CHRNA7: variants seen among roughly 807,000 people sequenced by gnomAD.
The protein encoded by CHRNA7 is cholinergic receptor nicotinic alpha 7 subunit.
Under a neutral mutation model 48.0 loss-of-function variants are expected in CHRNA7, and 17 were observed. That is an observed-to-expected ratio of 0.35 (90% CI 0.24 to 0.53). The LOEUF is 0.53. Ranked by LOEUF, CHRNA7 falls within the 20% of genes least tolerant of loss-of-function variation. The probability of loss-of-function intolerance (pLI) is 0.92; values close to 1 mark genes in which losing one functional copy is unlikely to be tolerated. For missense variants in CHRNA7, 155 were observed against 577.7 expected (o/e 0.27, Z 7.50); for synonymous variants, 75 against 242.3 (o/e 0.31, Z 6.41).
At position 32,121,366 on chromosome 15, in the gene CHRNA7, C is replaced by T. The variant is rs1047321757; in HGVS notation, c.350+9467C>T. On this transcript the variant is annotated intron_variant, in intron 4 of 9. Coordinates refer to ENST00000306901, the MANE Select transcript of CHRNA7 (RefSeq NM_000746.6). Reference sequence around the variant, plus strand: ...GTTTACCGTGGGTGGTCTCATCTGACGTATTTTTGTGTCCTTCAGTGAAGT... The same window carrying T: ...GTTTACCGTGGGTGGTCTCATCTGATGTATTTTTGTGTCCTTCAGTGAAGT... 9.2e-5 allele frequency among the ~76,000 whole-genome samples: 14 copies of T among 152,210 alleles called. No homozygotes were observed. In the East Asian group the frequency reaches 9.6e-4, roughly 10 times the overall value.
chr15:32,166,946 C>CTT (rs2052197072), intron 9 of CHRNA7, among the ~76,000 whole-genome samples: 1 of 129,770 alleles, frequency 7.7e-6, no homozygotes, highest in Admixed American at 8.2e-5. Context: ...TTTTAGAAAA[C>CTT]ATGCCCATCC....
chr15:32,095,684 G>A (rs1307849326), intron 2 of CHRNA7, among the ~76,000 whole-genome samples: 1 of 152,100 alleles, frequency 6.6e-6, no homozygotes, highest in Non-Finnish European at 1.5e-5. Context: ...GATGAAAGAG[G>A]GAAATAACGT....
intron 4 of CHRNA7, among the ~76,000 whole-genome samples, chr15:32,130,144 C>T (rs2051130917): frequency 6.6e-6 from 1 of 151,990 alleles, no homozygotes; most frequent in African/African-American, 2.4e-5. Context: ...GTATATGCTC[C>T]ATGAGTACTT....
intron 2 of CHRNA7, among the ~76,000 whole-genome samples, chr15:32,048,461 A>G (rs572569517): frequency 1.5e-4 from 23 of 152,066 alleles, no homozygotes; most frequent in African/African-American, 5.3e-4. Flanking sequence ...TTGCGTGGAG[A>G]TGTTTGTAGT....
At chr15:32,040,152 G>A (rs1221318615) in intron 2 of CHRNA7, among the ~76,000 whole-genome samples, 2 of 152,048 alleles carry the variant, frequency 1.3e-5, no homozygotes, top group African/African-American at 4.8e-5. Flanking sequence ...TATATTTAGA[G>A]TGGGTTTTTT....
At chr15:32,056,393 T>G (rs1340414121) in intron 2 of CHRNA7, among the ~76,000 whole-genome samples, 1 of 152,210 alleles carries the variant, frequency 6.6e-6, no homozygotes, top group African/African-American at 2.4e-5. Context: ...TTATGGAAAT[T>G]GGACTGGTGA....
intron 2 of CHRNA7, among the ~76,000 whole-genome samples, chr15:32,094,122 G>A (rs1309414888): frequency 6.6e-6 from 1 of 152,112 alleles, no homozygotes; most frequent in Non-Finnish European, 1.5e-5. Flanking sequence ...TAAACAGTTC[G>A]GCTGTGATTA....
chr15:32,098,727 C>G (rs1028229511), intron 2 of CHRNA7: 1 of 152,262 alleles, frequency 6.6e-6, no homozygotes, highest in Non-Finnish European at 1.5e-5. Flanking sequence ...CCTTGTCACT[C>G]TGGGTGAAGT....
At chr15:32,087,392 G>A (rs928860592) in intron 2 of CHRNA7, among the ~76,000 whole-genome samples, 36 of 152,010 alleles carry the variant, frequency 2.4e-4, no homozygotes, top group African/African-American at 8.7e-4. Flanking sequence ...TATATTTCCT[G>A]CCCAACACCT....
chr15:32,085,438 A>T (rs963595789), intron 2 of CHRNA7, among the ~76,000 whole-genome samples: 3 of 152,216 alleles, frequency 2.0e-5, no homozygotes, highest in Non-Finnish European at 4.4e-5. Flanking sequence ...ATTCATTCTA[A>T]GATGCACATT....
intron 2 of CHRNA7, among the ~76,000 whole-genome samples, chr15:32,048,095 G>A (rs1411905025): frequency 6.6e-6 from 1 of 152,098 alleles, no homozygotes; most frequent in Non-Finnish European, 1.5e-5. Context: ...GAGGATTTTT[G>A]CATCAATGTT....
rs76085878 is a variant in CHRNA7 at position 32,138,275 on chromosome 15, G to A, written c.351-15632G>A. On this transcript the variant is annotated intron_variant, in intron 4 of 9. Coordinates refer to ENST00000306901, the MANE Select transcript of CHRNA7 (RefSeq NM_000746.6). Reference sequence around the variant, plus strand: ...GAAAAATACTTAAAAATAGAATATTGTGACACAATTTTATGCCAAAATTTT... The same window carrying A: ...GAAAAATACTTAAAAATAGAATATTATGACACAATTTTATGCCAAAATTTT... 3.0e-3 allele frequency among the ~76,000 whole-genome samples: 454 copies of A among 152,178 alleles called. 1 individual carries two copies. The highest frequency in any genetic ancestry group is 0.01 in the African/African-American group (425 of 41,518).
intron 9 of CHRNA7, chr15:32,166,640 A>G (rs1210842466): frequency 6.6e-6 from 1 of 150,692 alleles, no homozygotes; most frequent in African/African-American, 2.5e-5. Context: ...TTACTGATGG[A>G]ATTTCCCCAA....
chr15:32,112,154 C>G, intron 4 of CHRNA7: 1 of 612,928 alleles, frequency 1.6e-6, no homozygotes, highest in Admixed American at 2.2e-5. Flanking sequence ...GTTGTATGTT[C>G]TCGGGGCCTA....
chr15:32,098,209 A>AGAAG (rs1796590931), intron 2 of CHRNA7, among the ~76,000 whole-genome samples: 2 of 58,320 alleles, frequency 3.4e-5, no homozygotes, highest in South Asian at 1.6e-3. Context: ...TCCTCTGTGC[A>AGAAG]GAAGCCTGTC....
intron 2 of CHRNA7, among the ~76,000 whole-genome samples, chr15:32,042,243 A>C (rs1566796406): frequency 6.6e-6 from 1 of 152,050 alleles, no homozygotes; most frequent in Non-Finnish European, 1.5e-5. Context: ...GGTGTTTCTC[A>C]GTTTGTTTCT....
At chr15:32,138,911 G>T (rs944977832) in intron 4 of CHRNA7, among the ~76,000 whole-genome samples, 1 of 151,928 alleles carries the variant, frequency 6.6e-6, no homozygotes, top group African/African-American at 2.4e-5. Flanking sequence ...ACGCCACCAC[G>T]CCTGGCTAAT....
rs1156442346 is a variant in CHRNA7 at position 32,149,704 on chromosome 15, T to C, written c.351-4203T>C. Among the ~76,000 whole-genome samples the C allele has an allele frequency of 1.3e-5, 2 of 152,172 alleles. No individual in the cohort carries two copies. The highest frequency in any genetic ancestry group is 1.5e-5 in the Non-Finnish European group (1 of 68,032). Reference sequence around the variant, plus strand: ...CAATTTCATGTAGCTCAATATTCTGTTTGGATGAAAAACATTCAGAAATCA... The same window carrying C: ...CAATTTCATGTAGCTCAATATTCTGCTTGGATGAAAAACATTCAGAAATCA... On this transcript the variant is annotated intron_variant, in intron 4 of 9. Transcript: ENST00000306901. The surrounding 1 kb of genome is among the most constrained non-coding windows in gnomAD (Gnocchi z 4.6).
intron 4 of CHRNA7, among the ~76,000 whole-genome samples, chr15:32,115,988 T>G (rs998730445): frequency 6.6e-6 from 1 of 152,158 alleles, no homozygotes; most frequent in African/African-American, 2.4e-5. Flanking sequence ...ACTACTAATA[T>G]CCTAACCCTC....
Sources: gnomAD v4.1 joint callset for allele counts (sites outside exome capture counted in the v4.1 genomes callset) on GRCh38, gnomAD v4.1.1 for gene constraint, Gnocchi (gnomAD v3.1) non-coding constraint, MANE v1.5 for transcripts, NCBI Gene and HGNC (gene_info 2026-07-23, HGNC 2026-07-21) for gene names.